The following FBN3 variants were observed in gnomAD, a reference collection of about 807,000 sequenced individuals.
The protein encoded by FBN3 is fibrillin 3.
In FBN3, 234 loss-of-function variants were observed where a neutral mutation model predicts 330.1. The ratio of observed to expected loss-of-function variants is 0.71; its 90% confidence interval spans 0.64 to 0.79. FBN3 has a LOEUF of 0.79. Ranked by LOEUF, FBN3 falls within the 30% of genes least tolerant of loss-of-function variation. FBN3 has a pLI of 0.00. For synonymous variants in FBN3, 1,458 were observed against 1,517.3 expected (o/e 0.96, Z 0.91); for missense variants, 3,606 against 3,886.9 (o/e 0.93, Z 1.92).
intron 38 of FBN3, among the ~76,000 whole-genome samples, chr19:8,105,335 G>T (rs1474734552): frequency 6.7e-6 from 1 of 150,020 alleles, no homozygotes; most frequent in African/African-American, 2.5e-5. Flanking sequence ...ACGGCTCACT[G>T]CAGCCTCGAC....
At chr19:8,073,024 C>T (rs28657412) in intron 62 of FBN3, 39 bp downstream of exon 62, 563,844 of 1,069,886 alleles carry the variant, frequency 0.53, 172,738 homozygotes, top group African/African-American at 0.86. Flanking sequence ...TGGACGCTTG[C>T]GGGGCATGGA....
chr19:8,135,936 G>GGGGGGGGGGGGGGCGCCCCCCCC, intron 13 of FBN3, 25 bp downstream of exon 13: 2 of 668,770 alleles, frequency 3.0e-6, no homozygotes, highest in East Asian at 3.9e-5. Context: ...GGAAGCCCCT[G>GGGGGGGGGGGGGGCGCCCCCCCC]CCCACCCGCC....
At position 8,109,732 on chromosome 19, in the gene FBN3, G is replaced by T; in HGVS notation, c.4355C>A (p.Pro1452Gln). The stretch of plus-strand genomic sequence containing the variant: ...GCACACGCCGTTGATGCAGTTTACT[G>T]GGTCTGCACACTCGTTGATGTCTGT... ...NCTDINECAD[P>Q]VNCINGVCIN... Residue 1452 changes from proline to glutamine, a missense_variant, in exon 35 of 64, where the codon CCA becomes CAA. Transcript: ENST00000600128. The surrounding 1 kb of genome is among the most constrained non-coding windows in gnomAD (Gnocchi z 5.2). 2 of 1,528,168 alleles carry T rather than the reference G, an allele frequency of 1.3e-6. No individual in the cohort carries two copies. Among genetic ancestry groups the T allele is most frequent in the South Asian group, 1.3e-5 (1 of 76,800 alleles). 94.7% of individuals were successfully genotyped at this position (1,528,168 alleles called of 1,614,324 possible).
At position 8,142,086 on chromosome 19, in the gene FBN3, T is replaced by A; in HGVS notation, c.593A>T (p.His198Leu). The A allele has an allele frequency of 6.2e-7, 1 of 1,613,750 alleles. No homozygotes were observed. The highest frequency in any genetic ancestry group is 8.5e-7 in the Non-Finnish European group (1 of 1,179,794). ...GGTGCACACGAGGCCCGTCAGCTGA[T>A]GCTGGCACCCCTCGGGGCCTACTTG... is the stretch of plus-strand genomic sequence containing the variant. ...FGQVGPEGCQ[H>L]QLTGLVCTKA... The change falls in exon 7 of 64, where the codon CAT (histidine) becomes CTT (leucine). Residue 198 changes from histidine to leucine, a missense_variant. Transcript: ENST00000600128.
chr19:8,091,433 C>G, intron 48 of FBN3, 32 bp downstream of exon 48: 1 of 1,611,754 alleles, frequency 6.2e-7, no homozygotes, highest in Non-Finnish European at 8.5e-7. Context: ...CCCCACTTCC[C>G]ACCCTCTTCC....
Position 8,147,361 on chromosome 19 carries a change from T to C in FBN3, c.120A>G (p.Ala40=). Residue 40 remains alanine (A), a synonymous_variant, in exon 2 of 64, where the codon GCA becomes GCG. Transcript: ENST00000600128. ...QGRWDGALEA[A]GPGRVRRRGS... Reference sequence around the variant, plus strand: ...CCCGCCTCCGCACACGTCCAGGACCTGCAGCCTCCAAGGCCCCGTCCCAGC... The same window carrying C: ...CCCGCCTCCGCACACGTCCAGGACCCGCAGCCTCCAAGGCCCCGTCCCAGC... 3 of 1,602,022 alleles carry C rather than the reference T, an allele frequency of 1.9e-6. No individual in the cohort carries two copies. Among genetic ancestry groups the C allele is most frequent in the Non-Finnish European group, 2.6e-6 (3 of 1,176,132 alleles).
intron 59 of FBN3, among the ~76,000 whole-genome samples, chr19:8,076,362 G>T (rs1395181843): frequency 1.3e-5 from 2 of 152,034 alleles, no homozygotes; most frequent in African/African-American, 4.8e-5. Context: ...GCTGGGTACA[G>T]TGGCTCATGC....
chr19:8,117,889 G>A (rs1166394707), intron 26 of FBN3, among the ~76,000 whole-genome samples: 5 of 151,566 alleles, frequency 3.3e-5, no homozygotes, highest in Admixed American at 6.6e-5. Flanking sequence ...GGCACACTCA[G>A]ATACACACTC....
At chr19:8,117,746 A>T (rs1162699504) in intron 26 of FBN3, among the ~76,000 whole-genome samples, 157 bp from the exon 27 acceptor site, 1 of 152,032 alleles carries the variant, frequency 6.6e-6, no homozygotes, top group Non-Finnish European at 1.5e-5. Flanking sequence ...ATTCACTCAC[A>T]TGCAAATACA....
intron 63 of FBN3, among the ~76,000 whole-genome samples, chr19:8,067,123 C>CTTTTTTTTTTTTTT (rs997965759): frequency 2.7e-5 from 4 of 147,422 alleles, no homozygotes; most frequent in Non-Finnish European, 4.5e-5. Context: ...GTTTCTTCTT[C>CTTTTTTTTTTTTTT]TTTTTCTTTT....
intron 25 of FBN3, 116 bp from the exon 26 acceptor site, chr19:8,119,138 G>T: frequency 8.1e-7 from 1 of 1,235,734 alleles, no homozygotes; most frequent in Non-Finnish European, 1.1e-6. Flanking sequence ...ACCCCAGCGG[G>T]AGCCAGGAGA....
Position 8,106,721 on chromosome 19 carries a change from G to T in FBN3, c.4688-488C>A, listed in dbSNP as rs1050081346. ...AGTAGACAGGCAAATGAGTGAATGG[G>T]TGGATAAGTGGATGGATGGATGGAT... On this transcript the variant is annotated intron_variant, in intron 37 of 63. Transcript: ENST00000600128. Among the ~76,000 whole-genome samples the T allele has an allele frequency of 2.2e-5, 3 of 135,810 alleles. No individual in the cohort carries two copies. In the South Asian group the frequency reaches 6.7e-4, roughly 30 times the overall value. 89.1% of individuals were successfully genotyped at this position (135,810 alleles called of 152,430 possible). A position where few individuals can be genotyped will look rare whatever the true frequency, so the allele number is the denominator to read the frequency against.
intron 63 of FBN3, among the ~76,000 whole-genome samples, chr19:8,068,914 G>A (rs1005159067): frequency 6.6e-6 from 1 of 151,822 alleles, no homozygotes; most frequent in African/African-American, 2.4e-5. Context: ...GAGGGACCTT[G>A]CTCAGACCCC....
Position 8,096,963 on chromosome 19 carries a change from A to C in FBN3, c.5331T>G (p.Asn1777Lys). The change falls in exon 43 of 64, where the codon AAT becomes AAG. Residue 1777 changes from asparagine to lysine, a missense_variant. By Grantham distance (94) the Asn-to-Lys change is moderately conservative. Transcript: ENST00000600128. This position sits in a 1 kb window ranked among gnomAD's most constrained non-coding sequence, Gnocchi z 4.6. ...CGSRESPCQQNADCINIPGSY... is the reference protein window; with the variant it reads ...CGSRESPCQQKADCINIPGSY... ...TACCGGGGATGTTGATGCAGTCAGC[A>C]TTCTGCTGGCAGGGACTCTCCCTGC... is the stretch of plus-strand genomic sequence containing the variant. 1 of 1,613,796 alleles carries C rather than the reference A, an allele frequency of 6.2e-7. No individual in the cohort carries two copies. The highest frequency in any genetic ancestry group is 8.5e-7 in the Non-Finnish European group (1 of 1,180,010).
intron 14 of FBN3, 101 bp downstream of exon 14, chr19:8,132,883 G>A: frequency 7.8e-7 from 1 of 1,289,546 alleles, no homozygotes. Flanking sequence ...CTTCTCTCAT[G>A]CTCGTCCCAT....
intron 36 of FBN3, among the ~76,000 whole-genome samples, chr19:8,108,791 T>A (rs1222523212): frequency 6.6e-6 from 1 of 152,072 alleles, no homozygotes; most frequent in Non-Finnish European, 1.5e-5. Context: ...CCCAGAGCTT[T>A]CACTTCCCCA....
rs745613890 is a variant in FBN3, at chr19:8,086,266, C to T, written c.6814G>A (p.Ala2272Thr). Residue 2272 changes from alanine to threonine, a missense_variant, in exon 55 of 64, where the codon GCG becomes ACG. Ala to Thr is a moderately conservative substitution (Grantham distance 58, BLOSUM62 0). Transcript: ENST00000600128. ...LCVNGRCVNT[A>T]GSFRCDCDEG... is the part of the protein sequence containing the mutation. ...TCACAGTCGCACCGGAAGCTGCCCGCGGTGTTGACACAGCGGCCGTTGACA... is the reference window on the plus strand; with the variant it reads ...TCACAGTCGCACCGGAAGCTGCCCGTGGTGTTGACACAGCGGCCGTTGACA... The T allele has an allele frequency of 2.5e-5, 40 of 1,610,954 alleles. No individual in the cohort carries two copies. In the Middle Eastern group the frequency reaches 1.7e-3, roughly 67 times the overall value.
intron 10 of FBN3, 46 bp downstream of exon 10, chr19:8,138,095 C>T: frequency 6.5e-7 from 1 of 1,535,980 alleles, no homozygotes; most frequent in Non-Finnish European, 8.8e-7. Flanking sequence ...AGATCCAGGA[C>T]CATCCTTCAA....
Position 8,072,033 on chromosome 19 carries a change from C to T in FBN3, c.8088+15G>A, listed in dbSNP as rs553134798. On this transcript the variant is annotated intron_variant, in intron 63 of 63. Coordinates refer to ENST00000600128, the MANE Select transcript of FBN3 (RefSeq NM_032447.5). Reference sequence around the variant, plus strand: ...ATTCCCTGGCCACCCCTGCCTAGTGCAGCACCCATGTCACCTGGTGGTCCC... The same window carrying T: ...ATTCCCTGGCCACCCCTGCCTAGTGTAGCACCCATGTCACCTGGTGGTCCC... 8 of 1,608,886 alleles carry T rather than the reference C, an allele frequency of 5.0e-6. No individual in the cohort carries two copies. In the South Asian group the frequency reaches 8.8e-5, roughly 18 times the overall value.
Sources: allele counts gnomAD v4.1 joint callset (sites outside exome capture counted in the v4.1 genomes callset), GRCh38; gene constraint gnomAD v4.1.1; non-coding constraint Gnocchi (gnomAD v3.1); transcripts MANE v1.5; gene names NCBI Gene and HGNC (gene_info 2026-07-23, HGNC 2026-07-21).